PPM1L: variants seen among roughly 807,000 people sequenced by gnomAD.
PPM1L encodes the protein protein phosphatase, Mg2+/Mn2+ dependent 1L, also known as protein phosphatase 1L.
A neutral mutation model predicts 31.4 loss-of-function variants in PPM1L; 13 were observed. That is an observed-to-expected ratio of 0.41 (90% confidence interval 0.27 to 0.66). PPM1L has a LOEUF of 0.66. Ranked by LOEUF, PPM1L falls within the 30% of genes least tolerant of loss-of-function variation. The pLI, the probability that PPM1L is intolerant of heterozygous loss-of-function variation, is 0.29. For synonymous variants in PPM1L, 184 were observed against 175.4 expected (o/e 1.05, Z -0.39); for missense variants, 326 against 453.7 (o/e 0.72, Z 2.56).
rs796232532 is a variant in PPM1L, at chr3:161,070,399, C to T, written c.*1242C>T. 3.3e-5 allele frequency: 5 copies of T among 152,294 alleles called. No individual in the cohort carries two copies. The highest frequency in any genetic ancestry group is 7.2e-5 in the African/African-American group (3 of 41,564). 9.4% of individuals were successfully genotyped at this position (152,294 alleles called of 1,614,324 possible). ...GAGCTTTCCCCAGGCAAATACAAACCGCCCCGTGGCCTGCAGGCCTGCAGG... is the reference window on the plus strand; with the variant it reads ...GAGCTTTCCCCAGGCAAATACAAACTGCCCCGTGGCCTGCAGGCCTGCAGG... On this transcript the variant is annotated 3_prime_UTR_variant, in exon 4 of 4. Coordinates refer to ENST00000498165, the MANE Select transcript of PPM1L (RefSeq NM_139245.4).
chr3:160,854,163 C>T (rs758645284), intron 1 of PPM1L, among the ~76,000 whole-genome samples: 12 of 152,030 alleles, frequency 7.9e-5, no homozygotes, highest in African/African-American at 1.9e-4. Flanking sequence ...GTACTTTGAC[C>T]GCATCATGTG....
At chr3:160,870,390 C>A (rs1325608641) in intron 1 of PPM1L, among the ~76,000 whole-genome samples, 1 of 152,098 alleles carries the variant, frequency 6.6e-6, no homozygotes, top group Non-Finnish European at 1.5e-5. Flanking sequence ...CCGAATGGTT[C>A]AAAAATAATT....
At chr3:161,004,318 C>T (rs1717623250) in intron 2 of PPM1L, among the ~76,000 whole-genome samples, 1 of 127,016 alleles carries the variant, frequency 7.9e-6, no homozygotes, top group African/African-American at 3.1e-5. Context: ...GGTTGTGTCT[C>T]TGCCCGGCTT....
chr3:160,935,318 C>T (rs1714933738), intron 1 of PPM1L, among the ~76,000 whole-genome samples: 1 of 152,180 alleles, frequency 6.6e-6, no homozygotes, highest in Admixed American at 6.5e-5. Flanking sequence ...CTTATCTCCA[C>T]CCTAACTTAA....
At chr3:160,814,601 ATGTG>A (rs1346528948) in intron 1 of PPM1L, among the ~76,000 whole-genome samples, 1 of 128,376 alleles carries the variant, frequency 7.8e-6, no homozygotes, top group East Asian at 2.0e-4. Flanking sequence ...ATATGTATGT[ATGTG>A]TATATATATA....
chr3:160,860,624 A>G (rs1203404151), intron 1 of PPM1L, among the ~76,000 whole-genome samples: 3 of 152,216 alleles, frequency 2.0e-5, no homozygotes, highest in African/African-American at 7.2e-5. Flanking sequence ...TTACAAAGCC[A>G]GGACTTTATA....
At chr3:160,860,763 T>A (rs1034840505) in intron 1 of PPM1L, among the ~76,000 whole-genome samples, 2 of 152,194 alleles carry the variant, frequency 1.3e-5, no homozygotes, top group African/African-American at 4.8e-5. Context: ...CTGGCAGATC[T>A]GGTGTCTGAT....
intron 1 of PPM1L, among the ~76,000 whole-genome samples, chr3:160,892,259 A>G (rs904286914): frequency 6.6e-6 from 1 of 152,202 alleles, no homozygotes. Flanking sequence ...GGGAAGCCTC[A>G]GGGAGCTTTT....
rs1305155583 is a variant in PPM1L, at chr3:161,076,517, CTTTT to C, written c.*7362_*7365del. 2.6e-5 allele frequency: 4 copies of C among 152,116 alleles called. No individual in the cohort carries two copies. In the East Asian group the frequency reaches 7.7e-4, roughly 29 times the overall value. The allele number at this position is 152,116 out of a possible 1,614,324, so 9.4% of individuals were successfully genotyped here. The stretch of plus-strand genomic sequence containing the variant: ...TCTATTATAGAAAGCAGTGTTTGTT[CTTTT>C]TAATTTATTACATGTTCACATTGAA... On this transcript the variant is annotated 3_prime_UTR_variant, in exon 4 of 4. Transcript: ENST00000498165.
intron 2 of PPM1L, among the ~76,000 whole-genome samples, chr3:161,047,458 C>T (rs1719121879): frequency 6.6e-6 from 1 of 152,172 alleles, no homozygotes; most frequent in African/African-American, 2.4e-5. Context: ...AATGGAAGAA[C>T]ATTCCATGCT....
At chr3:160,792,465 AGTTCCC>A (rs2108073649) in intron 1 of PPM1L, among the ~76,000 whole-genome samples, 1 of 152,256 alleles carries the variant, frequency 6.6e-6, no homozygotes, top group East Asian at 1.9e-4. Flanking sequence ...GATAGTACAG[AGTTCCC>A]ATATGCTTTA....
chr3:160,814,627 GTATGTATGTGTATATATA>G (rs1712928289), intron 1 of PPM1L, among the ~76,000 whole-genome samples: 1 of 142,488 alleles, frequency 7.0e-6, no homozygotes. Flanking sequence ...ACACACATAT[GTATGTATGTGTATATATA>G]TGTATATATA....
chr3:160,808,289 C>CTGTGTGTGTGTG (rs10545216), intron 1 of PPM1L, among the ~76,000 whole-genome samples: 5 of 136,126 alleles, frequency 3.7e-5, no homozygotes, highest in African/African-American at 1.5e-4. Context: ...GGATTTTCCT[C>CTGTGTGTGTGTG]TGTGTGTGTG....
At chr3:160,776,476 C>T (rs754059950) in intron 1 of PPM1L, among the ~76,000 whole-genome samples, 35 of 152,078 alleles carry the variant, frequency 2.3e-4, no homozygotes, top group Non-Finnish European at 4.4e-4. Flanking sequence ...AACATTTTTG[C>T]CTTCCTTAAA....
intron 1 of PPM1L, among the ~76,000 whole-genome samples, chr3:160,785,013 C>G (rs957418189): frequency 1.3e-5 from 2 of 152,150 alleles, no homozygotes; most frequent in African/African-American, 2.4e-5. Flanking sequence ...ACTTTCTAAG[C>G]CTTTGGCACA....
chr3:160,765,190 T>C (rs1055969758), intron 1 of PPM1L, among the ~76,000 whole-genome samples: 9 of 152,074 alleles, frequency 5.9e-5, no homozygotes, highest in African/African-American at 2.2e-4. Context: ...CACTGAGAGG[T>C]TAAGTAATTT....
At chr3:160,762,187 G>A (rs1215223995) in intron 1 of PPM1L, among the ~76,000 whole-genome samples, 4 of 152,086 alleles carry the variant, frequency 2.6e-5, no homozygotes, top group African/African-American at 9.7e-5. Flanking sequence ...GTAAATGTTC[G>A]GCTTTCACAT....
Position 160,920,928 on chromosome 3 carries a change from C to T in PPM1L, c.400-40808C>T, listed in dbSNP as rs113245445. On this transcript the variant is annotated intron_variant, in intron 1 of 3. Coordinates refer to ENST00000498165, the MANE Select transcript of PPM1L (RefSeq NM_139245.4). Reference sequence around the variant, plus strand: ...AGATGGCCACAATGTGAGACAGCAGCACAGTAGTGACTATCTCACCATTTT... The same window carrying T: ...AGATGGCCACAATGTGAGACAGCAGTACAGTAGTGACTATCTCACCATTTT... Among the ~76,000 whole-genome samples the T allele has an allele frequency of 2.7e-3, 417 of 152,172 alleles. 4 individuals are homozygous for T. The highest frequency in any genetic ancestry group is 3.6e-3 in the Non-Finnish European group (244 of 67,994).
chr3:160,808,381 T>G (rs1487954519), intron 1 of PPM1L, among the ~76,000 whole-genome samples: 1 of 91,734 alleles, frequency 1.1e-5, no homozygotes, highest in African/African-American at 6.2e-5. Flanking sequence ...GCCAGGATTT[T>G]CCTGTGTGTG....
Sources: gnomAD v4.1 joint callset for allele counts (sites outside exome capture counted in the v4.1 genomes callset) on GRCh38, gnomAD v4.1.1 for gene constraint, MANE v1.5 for transcripts, NCBI Gene and HGNC (gene_info 2026-07-23, HGNC 2026-07-21) for gene names.